BEST1: variants seen among roughly 807,000 people sequenced by gnomAD.
BEST1 encodes the protein bestrophin-1.
A neutral mutation model predicts 63.3 loss-of-function variants in BEST1; 58 were observed. The ratio of observed to expected loss-of-function variants is 0.92; its 90% CI spans 0.74 to 1.14. The LOEUF is 1.14. BEST1 is among the 50% of genes most tolerant of loss of function. The pLI is 0.00. For synonymous variants in BEST1, 283 were observed against 291.6 expected, an observed-to-expected ratio of 0.97 and a Z score of 0.30; for missense variants, 671 against 740.1, an observed-to-expected ratio of 0.91 and a Z score of 1.08.
At chr11:61,953,401 G>C (rs902934672) in intron 2 of BEST1, among the ~76,000 whole-genome samples, 4 of 151,870 alleles carry the variant, frequency 2.6e-5, no homozygotes, top group Non-Finnish European at 1.5e-5. Flanking sequence ...GGGAGATCCT[G>C]ATCCTGTCTC....
At chr11:61,953,586 T>TGA (rs1940947505) in intron 2 of BEST1, among the ~76,000 whole-genome samples, 18 of 152,130 alleles carry the variant, frequency 1.2e-4, no homozygotes, top group Admixed American at 1.2e-3. Context: ...GGCACGCACC[T>TGA]GTAGTTCCAG....
At chr11:61,963,434 T>C in intron 10 of BEST1, 1 of 1,163,400 alleles carries the variant, frequency 8.6e-7, no homozygotes. Context: ...TCTCACTGCC[T>C]GGGAACCTCA....
chr11:61,964,281 C>G lies in BEST1; in HGVS notation c.*159C>G. On this transcript the variant is annotated 3_prime_UTR_variant, in exon 11 of 11. Coordinates refer to ENST00000378043, the MANE Select transcript of BEST1 (RefSeq NM_004183.4). ...TAGCTTAATAGATAAAAATCCCAGA[C>G]TACTTCAGCCTTTAATGCCTTTTAT... 5.7e-6 allele frequency: 8 copies of G among 1,392,584 alleles called. No individual in the cohort carries two copies. Among genetic ancestry groups the G allele is most frequent in the Non-Finnish European group, 3.9e-6 (4 of 1,030,968 alleles). The allele number at this position is 1,392,584 out of a possible 1,614,324, so 86.3% of individuals were successfully genotyped here.
rs758817535 is a variant in BEST1 at position 61,957,471 on chromosome 11, A to G, written c.714+7A>G. The G allele has an allele frequency of 6.2e-7, 1 of 1,613,728 alleles. No individual in the cohort carries two copies. Among genetic ancestry groups the G allele is most frequent in the Non-Finnish European group, 8.5e-7 (1 of 1,179,696 alleles). On this transcript the variant is annotated splice_region_variant and intron_variant, in intron 6 of 10. Transcript: ENST00000378043. Reference sequence around the variant, plus strand: ...CCCACTGGTGTATACACAGGTGAGGACTAGGCTGGTGAGGCTGCCCTTTTG... The same window carrying G: ...CCCACTGGTGTATACACAGGTGAGGGCTAGGCTGGTGAGGCTGCCCTTTTG...
At chr11:61,962,129 G>T in intron 9 of BEST1, 126 bp from the exon 10 acceptor site, 1 of 958,332 alleles carries the variant, frequency 1.0e-6, no homozygotes, top group East Asian at 2.5e-5. Context: ...CTGGGGCATG[G>T]TGAGGAAGAC....
In BEST1 at chr11:61,959,563, C is replaced by T. The variant is rs281865278; in HGVS notation, c.933C>T (p.Val311=). 6 of 1,613,954 alleles carry T rather than the reference C, an allele frequency of 3.7e-6. No homozygotes were observed. Among genetic ancestry groups the T allele is most frequent in the Middle Eastern group, 3.3e-4 (2 of 6,084 alleles). Residue 311 remains valine (V), a synonymous_variant, in exon 8 of 11, where the codon GTC becomes GTT. Coordinates refer to ENST00000378043, the MANE Select transcript of BEST1 (RefSeq NM_004183.4). ...ATGATTTTGAGACCAACTGGATTGT[C>T]GACAGGAATTTGCAGGTATGGGGAG... ...DDDDFETNWI[V]DRNLQVSLLA... is the part of the protein sequence containing the mutation.
chr11:61,956,801 T>C, intron 4 of BEST1, 43 bp from the exon 5 acceptor site: 1 of 1,612,944 alleles, frequency 6.2e-7, no homozygotes, highest in Non-Finnish European at 8.5e-7. Flanking sequence ...CCATCCCTTC[T>C]GCAGGTTCTC....
chr11:61,955,602 G>T, intron 3 of BEST1, 116 bp from the exon 4 acceptor site: 1 of 1,257,336 alleles, frequency 8.0e-7, no homozygotes, highest in Non-Finnish European at 1.1e-6. Flanking sequence ...GAGGGCTGGG[G>T]GCTAGGCCCG....
Position 61,964,175 on chromosome 11 carries a change from CCAG to C in BEST1, c.*57_*59del. The C allele has an allele frequency of 1.2e-6, 2 of 1,612,790 alleles. No individual in the cohort carries two copies. The highest frequency in any genetic ancestry group is 1.7e-6 in the Non-Finnish European group (2 of 1,179,696). Reference sequence around the variant, plus strand: ...AGCCAGGTCCTCACCTGTGTGTACACCAGCAGGACACTGATCCAGTCACAGCCA... The same window carrying C: ...AGCCAGGTCCTCACCTGTGTGTACACCAGGACACTGATCCAGTCACAGCCA... On this transcript the variant is annotated 3_prime_UTR_variant, in exon 11 of 11. Transcript: ENST00000378043.
Position 61,962,633 on chromosome 11 carries a change from A to C in BEST1, c.1479A>C (p.Thr493=), listed in dbSNP as rs778436332. ...CGCCGTCAAAGCTTCACAGTGTCAC[A>C]GGCATAGACACCAAAGACAAAAGCT... is the stretch of plus-strand genomic sequence containing the variant. ...PSAPSKLHSV[T]GIDTKDKSLK... Residue 493 remains threonine (T), a synonymous_variant, in exon 10 of 11, where the codon ACA becomes ACC. Coordinates refer to ENST00000378043, the MANE Select transcript of BEST1 (RefSeq NM_004183.4). 3 of 1,614,090 alleles carry C rather than the reference A, an allele frequency of 1.9e-6. No homozygotes were observed. Among genetic ancestry groups the C allele is most frequent in the East Asian group, 2.2e-5 (1 of 44,898 alleles).
At chr11:61,955,259 C>T in intron 3 of BEST1, 58 bp downstream of exon 3, 1 of 1,613,490 alleles carries the variant, frequency 6.2e-7, no homozygotes, top group Non-Finnish European at 8.5e-7. Flanking sequence ...TCCAGACAGG[C>T]CAGGGGAGGA....
chr11:61,962,525 A>G lies in BEST1; in HGVS notation c.1371A>G (p.Pro457=). ...LKAVDAFKSA[P]LYQRPGYYSA... ...CTGTGGACGCCTTCAAGTCTGCCCC[A>G]CTGTATCAGAGGCCAGGCTACTACA... Residue 457 remains proline (P), a synonymous_variant, in exon 10 of 11, where the codon CCA becomes CCG. Coordinates refer to ENST00000378043, the MANE Select transcript of BEST1 (RefSeq NM_004183.4). 1.2e-6 allele frequency: 2 copies of G among 1,614,136 alleles called. No homozygotes were observed. The highest frequency in any genetic ancestry group is 1.7e-6 in the Non-Finnish European group (2 of 1,180,014).
intron 1 of BEST1, 119 bp from the exon 2 acceptor site, chr11:61,951,652 C>A (rs1940669668): frequency 9.8e-7 from 1 of 1,016,592 alleles, no homozygotes; most frequent in Non-Finnish European, 1.4e-6. Flanking sequence ...GAGACCACTT[C>A]ATCCACCTCC....
chr11:61,955,924 C>T lies in BEST1; in HGVS notation c.454C>T (p.Pro152Ser). The change falls in exon 4 of 11, where the codon CCC becomes TCC. Residue 152 changes from proline to serine, a missense_variant. Transcript: ENST00000378043. ...SVSTAVYKRFPSAQHLVQAGF... is the reference protein window; with the variant it reads ...SVSTAVYKRFSSAQHLVQAGF... ...CAGCACCGCAGTCTACAAGCGCTTC[C>T]CCAGCGCCCAGCACCTGGTGCAAGC... The T allele has an allele frequency of 6.5e-7, 1 of 1,549,646 alleles. No individual in the cohort carries two copies. The highest frequency in any genetic ancestry group is 8.7e-7 in the Non-Finnish European group (1 of 1,146,566).
In BEST1 at chr11:61,955,847, G is replaced by C; in HGVS notation, c.377G>C (p.Arg126Pro). The stretch of plus-strand genomic sequence containing the variant: ...GACGAGCAAGGCCGGCTGCTGCGGC[G>C]CACGCTCATCCGCTACGCCAACCTG... ...GKDEQGRLLR[R>P]TLIRYANLGN... The change falls in exon 4 of 11, where the codon CGC becomes CCC. Residue 126 changes from arginine to proline, a missense_variant. Physicochemically the swap from Arg to Pro is moderately radical, Grantham distance 103. Transcript: ENST00000378043. The C allele has an allele frequency of 6.4e-7, 1 of 1,550,422 alleles. No homozygotes were observed. Among genetic ancestry groups the C allele is most frequent in the Non-Finnish European group, 8.7e-7 (1 of 1,146,900 alleles).
chr11:61,962,064 C>G, intron 9 of BEST1, 191 bp from the exon 10 acceptor site: 1 of 622,988 alleles, frequency 1.6e-6, no homozygotes, highest in Non-Finnish European at 2.8e-6. Flanking sequence ...GTGAGGTGAG[C>G]TGGGCCTGGA....
At chr11:61,965,297 A>C, downstream of BEST1, 1 of 1,602,720 alleles carries the variant, frequency 6.2e-7, no homozygotes. Context: ...GGCAATTGCT[A>C]GTTTAAGTGA....
In BEST1 at chr11:61,964,264, T is replaced by C. The variant is rs972015564; in HGVS notation, c.*142T>C. The C allele has an allele frequency of 4.7e-6, 7 of 1,492,410 alleles. No individual in the cohort carries two copies. The highest frequency in any genetic ancestry group is 2.1e-5 in the Admixed American group (1 of 46,690). The allele number at this position is 1,492,410 out of a possible 1,614,324, so 92.4% of individuals were successfully genotyped here. A position where few individuals can be genotyped will look rare whatever the true frequency, so the allele number is the denominator to read the frequency against. On this transcript the variant is annotated 3_prime_UTR_variant, in exon 11 of 11. Transcript: ENST00000378043. ...AGCCTGAATCAAATGGTTAGCTTAA[T>C]AGATAAAAATCCCAGACTACTTCAG...
At chr11:61,960,364 C>T (rs1941936015) in intron 9 of BEST1, 1 of 446,182 alleles carries the variant, frequency 2.2e-6, no homozygotes, top group African/African-American at 2.0e-5. Context: ...TCTTGTCATC[C>T]AGAACTATGT....
Sources: gnomAD v4.1 joint callset for allele counts (sites outside exome capture counted in the v4.1 genomes callset) on GRCh38, gnomAD v4.1.1 for gene constraint, MANE v1.5 for transcripts, NCBI Gene and HGNC (gene_info 2026-07-23, HGNC 2026-07-21) for gene names.